Variants in ASAP2 observed in about 807,000 individuals in gnomAD.
ASAP2 encodes the protein ArfGAP with SH3 domain, ankyrin repeat and PH domain 2.
Under a neutral mutation model 131.4 loss-of-function variants are expected in ASAP2, and 45 were observed. That is an observed-to-expected ratio of 0.34 (90% CI 0.27 to 0.44). ASAP2 has a LOEUF of 0.44. Among genes scored for constraint, ASAP2 ranks in the 20% least tolerant of loss-of-function variants. The pLI, the probability that ASAP2 is intolerant of heterozygous loss-of-function variation, is 1.00. For synonymous variants in ASAP2, 510 were observed against 503.0 expected (o/e 1.01, Z -0.19); for missense variants, 1,011 against 1,297.0 (o/e 0.78, Z 3.39).
intron 23 of ASAP2, 89 bp from the exon 24 acceptor site, chr2:9,393,393 A>G: frequency 8.5e-7 from 1 of 1,178,156 alleles, no homozygotes; most frequent in East Asian, 2.9e-5. Flanking sequence ...TAAAAAACTG[A>G]AGCCCTTCTC....
In ASAP2 at chr2:9,350,924, T is replaced by C. The variant is rs746930282; in HGVS notation, c.1111+29T>C. 3.2e-6 allele frequency: 5 copies of C among 1,555,444 alleles called. No individual in the cohort carries two copies. The South Asian group carries it at 3.5e-5, about 11-fold the overall frequency. ...AGGCTCCCTCTGAGATGCCGCGCCATAGAGACGTTGTCTTATGCTCTCCTC... is the reference window on the plus strand; with the variant it reads ...AGGCTCCCTCTGAGATGCCGCGCCACAGAGACGTTGTCTTATGCTCTCCTC... On this transcript the variant is annotated intron_variant, in intron 12 of 27. Coordinates refer to ENST00000281419, the MANE Select transcript of ASAP2 (RefSeq NM_003887.3).
chr2:9,330,932 C>T (rs1670796871), intron 7 of ASAP2, among the ~76,000 whole-genome samples: 1 of 152,192 alleles, frequency 6.6e-6, no homozygotes, highest in Non-Finnish European at 1.5e-5. Flanking sequence ...GTGTACGCTG[C>T]CTGCTCTTCA....
At chr2:9,220,924 A>G (rs1032800881) in intron 1 of ASAP2, among the ~76,000 whole-genome samples, 7 of 152,088 alleles carry the variant, frequency 4.6e-5, no homozygotes, top group African/African-American at 1.7e-4. Flanking sequence ...TTTCTTCTTG[A>G]ATTCTCTTGG....
intron 11 of ASAP2, among the ~76,000 whole-genome samples, chr2:9,348,083 C>G (rs919268512): frequency 1.3e-5 from 2 of 152,128 alleles, no homozygotes; most frequent in African/African-American, 4.8e-5. Context: ...TGAAACCGTT[C>G]TGTATCTCAA....
At chr2:9,317,470 TAC>T (rs898909247) in intron 3 of ASAP2, among the ~76,000 whole-genome samples, 43 of 139,880 alleles carry the variant, frequency 3.1e-4, no homozygotes, top group African/African-American at 1.1e-3. Context: ...ATTCACCTTA[TAC>T]TCAGTCACTT....
chr2:9,316,978 C>T (rs1420558468), intron 3 of ASAP2, among the ~76,000 whole-genome samples: 2 of 148,450 alleles, frequency 1.3e-5, no homozygotes, highest in Non-Finnish European at 3.0e-5. Flanking sequence ...CCGTCACACC[C>T]TCTCATGTCC....
At position 9,356,085 on chromosome 2, in the gene ASAP2, G is replaced by A; in HGVS notation, c.1150G>A (p.Glu384Lys). Reference sequence around the variant, plus strand: ...CCACTTTCAAGCTGAAGATGAACAGGAATGTCAAATGTAAGTTACATGGTG... The same window carrying A: ...CCACTTTCAAGCTGAAGATGAACAGAAATGTCAAATGTAAGTTACATGGTG... ...TYHFQAEDEQ[E>K]CQIWMSVLQN... Residue 384 changes from glutamate to lysine, a missense_variant, in exon 13 of 28, where the codon GAA (glutamate) becomes AAA (lysine). This residue lies in a region of ASAP2 where 359 missense variants were observed against 598.1 expected (regional missense o/e 0.60). Transcript: ENST00000281419. 6.2e-7 allele frequency: 1 copy of A among 1,614,196 alleles called. No individual in the cohort carries two copies. The highest frequency in any genetic ancestry group is 8.5e-7 in the Non-Finnish European group (1 of 1,180,050).
intron 16 of ASAP2, among the ~76,000 whole-genome samples, chr2:9,374,138 C>T (rs984146297): frequency 6.6e-6 from 1 of 152,222 alleles, no homozygotes; most frequent in African/African-American, 2.4e-5. Flanking sequence ...TCTGTAGGCT[C>T]TTTGGATGGG....
intron 1 of ASAP2, among the ~76,000 whole-genome samples, chr2:9,247,375 G>T (rs1321572047): frequency 6.6e-6 from 1 of 152,140 alleles, no homozygotes; most frequent in Non-Finnish European, 1.5e-5. Context: ...GACGGTCCCC[G>T]GTCCTCATTT....
At chr2:9,326,224 A>C (rs1670467943) in intron 6 of ASAP2, among the ~76,000 whole-genome samples, 1 of 152,202 alleles carries the variant, frequency 6.6e-6, no homozygotes, top group South Asian at 2.1e-4. Flanking sequence ...CTACAAAAAA[A>C]CAAAAACAAA....
At chr2:9,242,503 G>A (rs916972548) in intron 1 of ASAP2, among the ~76,000 whole-genome samples, 3 of 152,232 alleles carry the variant, frequency 2.0e-5, no homozygotes, top group African/African-American at 7.2e-5. Context: ...GCTTGACAGG[G>A]ATGGGCACTT....
At chr2:9,386,575 G>A (rs375679866) in intron 21 of ASAP2, among the ~76,000 whole-genome samples, 4 of 152,206 alleles carry the variant, frequency 2.6e-5, no homozygotes, top group African/African-American at 9.6e-5. Context: ...GACAGCAGCC[G>A]TGGGCTTTGC....
At position 9,255,415 on chromosome 2, in the gene ASAP2, T is replaced by C. The variant is rs905901566; in HGVS notation, c.127-23902T>C. 2.6e-5 allele frequency among the ~76,000 whole-genome samples: 4 copies of C among 152,348 alleles called. No homozygotes were observed. The East Asian group carries it at 7.7e-4, about 29-fold the overall frequency. ...TATTCCTAGAAGCTGGGATAAATCATTCACACAGAAAAAACTGGAAGGATC... is the reference window on the plus strand; with the variant it reads ...TATTCCTAGAAGCTGGGATAAATCACTCACACAGAAAAAACTGGAAGGATC... On this transcript the variant is annotated intron_variant, in intron 1 of 27. Transcript: ENST00000281419.
At chr2:9,318,973 G>T (rs1669975497) in intron 4 of ASAP2, among the ~76,000 whole-genome samples, 1 of 152,200 alleles carries the variant, frequency 6.6e-6, no homozygotes, top group Non-Finnish European at 1.5e-5. Flanking sequence ...TCCTAGCAAG[G>T]GTGTATTTTC....
rs1675829341 is a variant in ASAP2 at position 9,392,833 on chromosome 2, C to T, written c.2519-649C>T. On this transcript the variant is annotated intron_variant, in intron 23 of 27. Coordinates refer to ENST00000281419, the MANE Select transcript of ASAP2 (RefSeq NM_003887.3). This position sits in a 1 kb window ranked among gnomAD's most constrained non-coding sequence, Gnocchi z 4.0. The stretch of plus-strand genomic sequence containing the variant: ...CCGACATTTAGAGAGGGCTTAATGC[C>T]TATCAAGGGAGGAGAGACGGAGGAA... Among the ~76,000 whole-genome samples, 1 of 152,136 alleles carries T rather than the reference C, an allele frequency of 6.6e-6. No homozygotes were observed. Among genetic ancestry groups the T allele is most frequent in the African/African-American group, 2.4e-5 (1 of 41,438 alleles).
At chr2:9,241,301 T>C (rs1009051396) in intron 1 of ASAP2, among the ~76,000 whole-genome samples, 11 of 152,242 alleles carry the variant, frequency 7.2e-5, no homozygotes, top group African/African-American at 2.7e-4. Context: ...GTTGTGCATG[T>C]AGAACATTAA....
intron 15 of ASAP2, among the ~76,000 whole-genome samples, chr2:9,359,305 C>T (rs1672934523): frequency 6.6e-6 from 1 of 152,274 alleles, no homozygotes; most frequent in African/African-American, 2.4e-5. Context: ...CCTCCGACTT[C>T]TCCCTACCCC....
At chr2:9,216,283 T>TA (rs1491311040) in intron 1 of ASAP2, among the ~76,000 whole-genome samples, 2 of 110,756 alleles carry the variant, frequency 1.8e-5, no homozygotes, top group Non-Finnish European at 3.8e-5. Flanking sequence ...TCAGTTCATA[T>TA]TTTTTTTTTT....
chr2:9,273,337 T>G (rs1260776831), intron 1 of ASAP2, among the ~76,000 whole-genome samples: 1 of 152,256 alleles, frequency 6.6e-6, no homozygotes, highest in East Asian at 1.9e-4. Context: ...GATTGCTTTT[T>G]CAGATTGTTC....
Sources: allele counts gnomAD v4.1 joint callset (sites outside exome capture counted in the v4.1 genomes callset), GRCh38; gene constraint gnomAD v4.1.1; regional missense constraint gnomAD v4.1.1; non-coding constraint Gnocchi (gnomAD v3.1); transcripts MANE v1.5; gene names NCBI Gene and HGNC (gene_info 2026-07-23, HGNC 2026-07-21).